ZDHHC9: variants seen among roughly 807,000 people sequenced by gnomAD.
ZDHHC9 encodes the protein zDHHC palmitoyltransferase 9, also known as palmitoyltransferase ZDHHC9.
In ZDHHC9, 3 loss-of-function variants were observed where a neutral mutation model predicts 26.6. The observed-to-expected ratio is 0.11, with a 90% confidence interval of 0.05 to 0.29. ZDHHC9 has a LOEUF of 0.29. ZDHHC9 is among the 10% of genes least tolerant of loss of function. The probability of loss-of-function intolerance (pLI) is 1.00; values close to 1 mark genes in which losing one functional copy is unlikely to be tolerated. For synonymous variants in ZDHHC9, 111 were observed against 109.4 expected (o/e 1.01, Z -0.09); for missense variants, 146 against 296.4 (o/e 0.49, Z 3.73).
At chrX:129,837,905 G>A (rs1000570389) in intron 3 of ZDHHC9, among the ~76,000 whole-genome samples, 2 of 112,180 alleles carry the variant, frequency 1.8e-5, no homozygotes, top group Non-Finnish European at 3.8e-5. Flanking sequence ...TGAATACCAC[G>A]ATAGCCTTTC....
At chrX:129,815,561 T>G (rs981432664) in intron 5 of ZDHHC9, among the ~76,000 whole-genome samples, 1 of 112,155 alleles carries the variant, frequency 8.9e-6, no homozygotes, top group African/African-American at 3.2e-5. Flanking sequence ...CTCCATAAAC[T>G]TTAAAAAAGT....
intron 4 of ZDHHC9, among the ~76,000 whole-genome samples, chrX:129,825,705 CAT>C (rs1196772337): frequency 2.7e-5 from 3 of 111,457 alleles, no homozygotes; most frequent in Non-Finnish European, 5.6e-5. Flanking sequence ...AGAACATACT[CAT>C]GTGTTAAAAT....
intron 4 of ZDHHC9, among the ~76,000 whole-genome samples, chrX:129,827,555 T>G: frequency 9.0e-6 from 1 of 110,998 alleles, no homozygotes; most frequent in East Asian, 2.8e-4. Flanking sequence ...CATCATAGTC[T>G]TCTTTCTCAC....
rs1015400817 is a variant in ZDHHC9 at position 129,804,546 on chromosome X, TA to T, written c.*1823del. 1 of 111,269 alleles carries T rather than the reference TA, an allele frequency of 9.0e-6. No individual in the cohort carries two copies. The highest frequency in any genetic ancestry group is 1.9e-5 in the Non-Finnish European group (1 of 52,926). 9.2% of individuals were successfully genotyped at this position (111,269 alleles called of 1,213,427 possible). On this transcript the variant is annotated 3_prime_UTR_variant, in exon 11 of 11. Transcript: ENST00000357166. ...AGAAAGAAATATATACCATCACTTGTAAAAGACCACTGATCAAATATTTCCA... is the reference window on the plus strand; with the variant it reads ...AGAAAGAAATATATACCATCACTTGTAAAGACCACTGATCAAATATTTCCA...
chrX:129,819,329 G>A (rs1032778347), intron 5 of ZDHHC9, among the ~76,000 whole-genome samples: 1 of 110,291 alleles, frequency 9.1e-6, no homozygotes, highest in Admixed American at 9.7e-5. Flanking sequence ...AGAGAAGAAT[G>A]GTTATACAGA....
At chrX:129,833,607 A>G (rs1928195763) in intron 3 of ZDHHC9, among the ~76,000 whole-genome samples, 1 of 112,301 alleles carries the variant, frequency 8.9e-6, no homozygotes, top group African/African-American at 3.2e-5. Context: ...TTATCAATGT[A>G]ATCAGTCAGC....
At chrX:129,841,106 C>T (rs1401469772) in intron 3 of ZDHHC9, among the ~76,000 whole-genome samples, 1 of 104,559 alleles carries the variant, frequency 9.6e-6, no homozygotes, top group East Asian at 3.0e-4. Context: ...CCCCTAGAGA[C>T]GAGACCTACA....
intron 3 of ZDHHC9, among the ~76,000 whole-genome samples, chrX:129,832,137 C>CCAG (rs1556007768): frequency 9.2e-6 from 1 of 108,676 alleles, no homozygotes; most frequent in African/African-American, 3.3e-5. Flanking sequence ...ATATTGTATA[C>CCAG]ATATATATCT....
chrX:129,810,814 T>C (rs1927621222), intron 10 of ZDHHC9, 91 bp downstream of exon 10: 2 of 795,517 alleles, frequency 2.5e-6, no homozygotes, highest in East Asian at 3.2e-5. Context: ...CTGGGGTGAT[T>C]AGAATACAAT....
chrX:129,841,932 A>G lies in ZDHHC9; in HGVS notation c.14T>C (p.Val5Ala). Residue 5 changes from valine (V) to alanine (A), a missense_variant, in exon 3 of 11, where the codon GTG becomes GCG. This residue lies in a region of ZDHHC9 where 100 missense variants were observed against 250.0 expected (regional missense o/e 0.40). Coordinates refer to ENST00000357166, the MANE Select transcript of ZDHHC9 (RefSeq NM_016032.4). ...TTTCCGTGTCACCTTCTTTCTCACC[A>G]CCATCACAGACATGATTGGAATTCC... MSVM[V>A]VRKKVTRKWE... 1 of 1,211,016 alleles carries G rather than the reference A, an allele frequency of 8.3e-7. No individual in the cohort carries two copies. The highest frequency in any genetic ancestry group is 1.8e-5 in the South Asian group (1 of 56,953).
chrX:129,820,740 A>G (rs754873894), intron 5 of ZDHHC9, among the ~76,000 whole-genome samples: 6 of 112,076 alleles, frequency 5.4e-5, no homozygotes, highest in Non-Finnish European at 1.1e-4. Flanking sequence ...AAGAGTATTA[A>G]TAAGGAAAGG....
chrX:129,836,426 G>A (rs960723915), intron 3 of ZDHHC9, among the ~76,000 whole-genome samples: 1 of 111,479 alleles, frequency 9.0e-6, no homozygotes, highest in Admixed American at 9.6e-5. Context: ...TGGGAATACA[G>A]GTGTGCACCA....
At chrX:129,832,168 A>G (rs1349800820) in intron 3 of ZDHHC9, among the ~76,000 whole-genome samples, 1 of 109,343 alleles carries the variant, frequency 9.1e-6, no homozygotes, top group African/African-American at 3.3e-5. Context: ...ATCTTTATAT[A>G]TATATATAAA....
At chrX:129,826,889 A>G (rs2124121472) in intron 4 of ZDHHC9, among the ~76,000 whole-genome samples, 1 of 112,739 alleles carries the variant, frequency 8.9e-6, no homozygotes, top group Non-Finnish European at 1.9e-5. Context: ...AAACACAGCT[A>G]AAATAAACAA....
chrX:129,826,127 G>T (rs1202386719), intron 4 of ZDHHC9, among the ~76,000 whole-genome samples: 1 of 111,758 alleles, frequency 8.9e-6, no homozygotes, highest in East Asian at 2.8e-4. Context: ...TTTTTTTGTG[G>T]AGTGGGGTAG....
At chrX:129,827,548 C>T (rs1928045822) in intron 4 of ZDHHC9, among the ~76,000 whole-genome samples, 1 of 110,872 alleles carries the variant, frequency 9.0e-6, no homozygotes, top group Non-Finnish European at 1.9e-5. Context: ...GTACTTGCAT[C>T]ATAGTCTTCT....
chrX:129,841,591 T>C (rs1602966086), intron 3 of ZDHHC9, among the ~76,000 whole-genome samples, 188 bp downstream of exon 3: 1 of 111,796 alleles, frequency 8.9e-6, no homozygotes, highest in East Asian at 2.8e-4. Flanking sequence ...TCAAAGGTAT[T>C]GGTCTTTTTA....
At chrX:129,824,887 A>G (rs1927977640) in intron 4 of ZDHHC9, among the ~76,000 whole-genome samples, 1 of 112,795 alleles carries the variant, frequency 8.9e-6, no homozygotes, top group Non-Finnish European at 1.9e-5. Flanking sequence ...GTTAAAAAGC[A>G]ATACGCATAA....
Position 129,803,556 on chromosome X carries a change from G to A in ZDHHC9, c.*2814C>T. Reference sequence around the variant, plus strand: ...TAGGAACGGGTGCTTTATGGGTAAAGGCAGGATGGTCAGGACAGGGAGAAT... The same window carrying A: ...TAGGAACGGGTGCTTTATGGGTAAAAGCAGGATGGTCAGGACAGGGAGAAT... On this transcript the variant is annotated 3_prime_UTR_variant, in exon 11 of 11. Coordinates refer to ENST00000357166, the MANE Select transcript of ZDHHC9 (RefSeq NM_016032.4). 8.9e-6 allele frequency: 1 copy of A among 112,413 alleles called. No homozygotes were observed. Among genetic ancestry groups the A allele is most frequent in the Admixed American group, 9.4e-5 (1 of 10,619 alleles). The allele number at this position is 112,413 out of a possible 1,213,427, so 9.3% of individuals were successfully genotyped here.
Sources: allele counts gnomAD v4.1 joint callset (sites outside exome capture counted in the v4.1 genomes callset), GRCh38; gene constraint gnomAD v4.1.1; regional missense constraint gnomAD v4.1.1; transcripts MANE v1.5; gene names NCBI Gene and HGNC (gene_info 2026-07-23, HGNC 2026-07-21).